The following OSBPL9 variants were observed in gnomAD, a reference collection of about 807,000 sequenced individuals.
OSBPL9 encodes the protein oxysterol binding protein like 9.
A neutral mutation model predicts 106.6 loss-of-function variants in OSBPL9; 40 were observed. The ratio of observed to expected loss-of-function variants is 0.38; its 90% CI spans 0.29 to 0.49. The LOEUF is 0.49. OSBPL9 is among the 20% of genes least tolerant of loss of function. The probability of loss-of-function intolerance (pLI) is 0.97; values close to 1 mark genes in which losing one functional copy is unlikely to be tolerated. For missense variants in OSBPL9, 609 were observed against 887.2 expected, an observed-to-expected ratio of 0.69 and a Z score of 3.98; for synonymous variants, 269 against 295.4, an observed-to-expected ratio of 0.91 and a Z score of 0.92.
chr1:51,785,489 ATGG>A lies in OSBPL9; in HGVS notation c.1830-314_1830-312del, dbSNP rs370712927. On this transcript the variant is annotated intron_variant, in intron 20 of 23. Transcript: ENST00000428468. ...ACAGCACTTACCACCTAGAATTTCA[ATGG>A]TGGTTACGTCTCTCTCCACTACGCT... 1.4e-3 allele frequency: 387 copies of A among 282,814 alleles called. 4 individuals carry two copies. The highest frequency in any genetic ancestry group is 8.3e-3 in the African/African-American group (368 of 44,578). The allele number at this position is 282,814 out of a possible 1,614,324, so 17.5% of individuals were successfully genotyped here. A position where few individuals can be genotyped will look rare whatever the true frequency, so the allele number is the denominator to read the frequency against.
chr1:51,527,861 C>G, the OSBPL9 span, among the ~76,000 whole-genome samples: 1 of 151,904 alleles, frequency 6.6e-6, no homozygotes, highest in African/African-American at 2.4e-5. Context: ...GCCTGTAGTC[C>G]CAGCACTTTG....
Position 51,785,843 on chromosome 1 carries a change from A to C in OSBPL9, c.1865A>C (p.Glu622Ala). 6.2e-7 allele frequency: 1 copy of C among 1,608,324 alleles called. No individual in the cohort carries two copies. The highest frequency in any genetic ancestry group is 8.5e-7 in the Non-Finnish European group (1 of 1,178,716). ...GACAAGAAGTCTTTTTGCTCAATTG[A>C]AGGGGAATGGAATGGTGTGATGTAT... ...PNDKKSFCSI[E>A]GEWNGVMYAK... Residue 622 changes from glutamate to alanine, a missense_variant, in exon 21 of 24, where the codon GAA becomes GCA. Physicochemically the swap from Glu to Ala is moderately radical, Grantham distance 107. Coordinates refer to ENST00000428468, the MANE Select transcript of OSBPL9 (RefSeq NM_024586.6).
intron 4 of OSBPL9, among the ~76,000 whole-genome samples, chr1:51,718,213 G>A (rs553070099): frequency 1.3e-5 from 2 of 152,282 alleles, no homozygotes; most frequent in South Asian, 2.1e-4. Context: ...TGGAAGGGTG[G>A]TTGGGCGTAT....
intron 2 of OSBPL9, among the ~76,000 whole-genome samples, chr1:51,599,527 G>T (rs1216043218): frequency 6.6e-6 from 1 of 151,928 alleles, no homozygotes. Context: ...TTACTTTTTA[G>T]AATATCATGC....
intron 4 of OSBPL9, among the ~76,000 whole-genome samples, chr1:51,734,435 A>G (rs1024178250): frequency 2.6e-5 from 4 of 152,230 alleles, no homozygotes; most frequent in Admixed American, 2.6e-4. Context: ...ATTTTGTCAT[A>G]CCGTGGAGGA....
chr1:51,701,989 A>T (rs1427300649), intron 3 of OSBPL9, among the ~76,000 whole-genome samples: 1 of 151,964 alleles, frequency 6.6e-6, no homozygotes, highest in Non-Finnish European at 1.5e-5. Context: ...ATCATTTTTT[A>T]TGGCTGCATA....
intron 2 of OSBPL9, among the ~76,000 whole-genome samples, chr1:51,652,692 A>T (rs1385108176): frequency 1.3e-5 from 2 of 152,210 alleles, no homozygotes. Flanking sequence ...CTCAATTAGG[A>T]CTAGCTGTAC....
intron 3 of OSBPL9, among the ~76,000 whole-genome samples, chr1:51,684,466 C>CA (rs1557685997): frequency 6.6e-6 from 1 of 152,120 alleles, no homozygotes; most frequent in African/African-American, 2.4e-5. Flanking sequence ...GTACATATTT[C>CA]AAGATAACAT....
chr1:51,766,038 A>C, intron 12 of OSBPL9, 57 bp downstream of exon 12: 1 of 1,470,904 alleles, frequency 6.8e-7, no homozygotes, highest in East Asian at 2.5e-5. Flanking sequence ...TAAAAATCTA[A>C]TTTGATTTTG....
chr1:51,574,126 G>A (rs1380670251), upstream of OSBPL9: 6 of 152,112 alleles, frequency 3.9e-5, no homozygotes, highest in East Asian at 1.9e-4. Flanking sequence ...TTACAGGAAC[G>A]GTAAAGGTAT....
At chr1:51,695,549 T>C (rs1655838256) in intron 3 of OSBPL9, among the ~76,000 whole-genome samples, 1 of 152,200 alleles carries the variant, frequency 6.6e-6, no homozygotes, top group African/African-American at 2.4e-5. Context: ...TTCTGTTTGC[T>C]ATAATATCTC....
chr1:51,557,498 G>A, the OSBPL9 span, among the ~76,000 whole-genome samples: 10 of 152,224 alleles, frequency 6.6e-5, no homozygotes, highest in African/African-American at 1.9e-4. Context: ...TTAAACTCAT[G>A]GGCTATGAGA....
At chr1:51,600,919 C>T (rs769742928) in intron 2 of OSBPL9, among the ~76,000 whole-genome samples, 116 of 152,204 alleles carry the variant, frequency 7.6e-4, no homozygotes, top group Non-Finnish European at 1.4e-3. Context: ...TCAGGACATA[C>T]ATAATAGATA....
chr1:51,758,432 A>T (rs1670808690), intron 9 of OSBPL9, among the ~76,000 whole-genome samples: 1 of 151,642 alleles, frequency 6.6e-6, no homozygotes, highest in Admixed American at 6.6e-5. Flanking sequence ...CAGAAAAAAA[A>T]AAAAAAACCT....
chr1:51,717,243 AG>A (rs1661235881), intron 4 of OSBPL9, among the ~76,000 whole-genome samples: 1 of 152,178 alleles, frequency 6.6e-6, no homozygotes, highest in East Asian at 1.9e-4. Flanking sequence ...CTGAGATTAT[AG>A]GCATGAGCCA....
the OSBPL9 span, among the ~76,000 whole-genome samples, chr1:51,563,949 T>C: frequency 7.0e-6 from 1 of 142,922 alleles, no homozygotes; most frequent in African/African-American, 2.6e-5. Context: ...GCAAGTGTGG[T>C]GGCATGCACC....
intron 6 of OSBPL9, 96 bp downstream of exon 6, chr1:51,746,853 ATAT>A (rs1291569435): frequency 8.3e-6 from 8 of 967,946 alleles, no homozygotes; most frequent in South Asian, 1.7e-5. Flanking sequence ...TACTATAATA[ATAT>A]TATTGACCTA....
chr1:51,784,193 A>T, intron 18 of OSBPL9, 71 bp from the exon 19 acceptor site: 1 of 1,517,230 alleles, frequency 6.6e-7, no homozygotes, highest in Non-Finnish European at 9.2e-7. Flanking sequence ...TGGAGTAACC[A>T]TCAGCTCGAC....
chr1:51,577,544 A>G (rs1445673344), intron 1 of OSBPL9, among the ~76,000 whole-genome samples: 1 of 151,908 alleles, frequency 6.6e-6, no homozygotes, highest in African/African-American at 2.4e-5. Context: ...AAGTGCTGGG[A>G]TTACAGGCGT....
Sources: gnomAD v4.1 joint callset for allele counts (sites outside exome capture counted in the v4.1 genomes callset) on GRCh38, gnomAD v4.1.1 for gene constraint, MANE v1.5 for transcripts, NCBI Gene and HGNC (gene_info 2026-07-23, HGNC 2026-07-21) for gene names.